The following CHRNA1 variants were observed in gnomAD, a reference collection of about 807,000 sequenced individuals.
CHRNA1 encodes acetylcholine receptor subunit alpha.
A neutral mutation model predicts 47.1 loss-of-function variants in CHRNA1; 35 were observed. The observed-to-expected ratio is 0.74, with a 90% CI of 0.57 to 0.99. The LOEUF (loss-of-function observed/expected upper bound fraction) is 0.99, where lower values mean the gene tolerates loss of function less well. CHRNA1 is among the 50% of genes least tolerant of loss of function. The probability of loss-of-function intolerance (pLI) is 0.00; values close to 1 mark genes in which losing one functional copy is unlikely to be tolerated. For synonymous variants in CHRNA1, 229 were observed against 223.6 expected (o/e 1.02, Z -0.22); for missense variants, 506 against 591.1 (o/e 0.86, Z 1.49).
intron 6 of CHRNA1, among the ~76,000 whole-genome samples, chr2:174,750,456 C>T (rs1455791339): frequency 2.0e-5 from 3 of 152,034 alleles, no homozygotes; most frequent in East Asian, 1.9e-4. Flanking sequence ...CATTACAAAC[C>T]GAGAGAGGCC....
chr2:174,751,944 T>G (rs1270189209), intron 6 of CHRNA1, among the ~76,000 whole-genome samples: 3 of 152,118 alleles, frequency 2.0e-5, no homozygotes, highest in Non-Finnish European at 4.4e-5. Flanking sequence ...CCTCCGAAAG[T>G]GCTGGGATTA....
chr2:174,747,985 T>A lies in CHRNA1; in HGVS notation c.*139A>T. The A allele has an allele frequency of 8.9e-7, 1 of 1,126,762 alleles. No individual in the cohort carries two copies. The highest frequency in any genetic ancestry group is 1.3e-6 in the Non-Finnish European group (1 of 774,360). The allele number at this position is 1,126,762 out of a possible 1,614,324, so 69.8% of individuals were successfully genotyped here. A position where few individuals can be genotyped will look rare whatever the true frequency, so the allele number is the denominator to read the frequency against. ...TCAAGGCCATAAACTTACATAAAGG[T>A]AAATCTTATCATCAATAATAAGTAT... On this transcript the variant is annotated 3_prime_UTR_variant, in exon 9 of 9. Transcript: ENST00000348749.
In CHRNA1 at chr2:174,750,110, T is replaced by C. The variant is rs1184577812; in HGVS notation, c.838A>G (p.Ile280Val). ...LLSLTVFLLV[I>V]VELIPSTSSA... ...GACGTGGAGGGGATCAGCTCCACGA[T>C]GACCAGAAGGAACACAGTCAAAGAC... Residue 280 changes from isoleucine to valine, a missense_variant, in exon 7 of 9, where the codon ATC (isoleucine) becomes GTC (valine). Coordinates refer to ENST00000348749, the MANE Select transcript of CHRNA1 (RefSeq NM_000079.4). The C allele has an allele frequency of 2.5e-6, 4 of 1,613,104 alleles. No homozygotes were observed. Among genetic ancestry groups the C allele is most frequent in the Non-Finnish European group, 3.4e-6 (4 of 1,179,940 alleles).
chr2:174,763,892 T>C (rs1435493696), intron 1 of CHRNA1, among the ~76,000 whole-genome samples: 1 of 152,188 alleles, frequency 6.6e-6, no homozygotes, highest in Non-Finnish European at 1.5e-5. Context: ...CATGTAGCTG[T>C]CAATCAGTCC....
At chr2:174,755,421 TTTTC>T (rs909772368) in intron 4 of CHRNA1, among the ~76,000 whole-genome samples, 3 of 151,464 alleles carry the variant, frequency 2.0e-5, no homozygotes, top group African/African-American at 7.3e-5. Flanking sequence ...CTTAGATTTT[TTTTC>T]TTTTTTTTTT....
chr2:174,757,344 T>C (rs186465668), intron 4 of CHRNA1, among the ~76,000 whole-genome samples: 52 of 152,126 alleles, frequency 3.4e-4, no homozygotes, highest in African/African-American at 1.2e-3. Flanking sequence ...TTTGTAGAGA[T>C]GTTGTCTTGC....
rs768407867 is a variant in CHRNA1, at chr2:174,748,177, C to T, written c.1321G>A (p.Gly441Arg). ...LGVFMLVCII[G>R]TLAVFAGRLI... ...CGACCTGCAAACACGGCTAGGGTTC[C>T]GATGATGCAAACAAGCATGAAGACT... The change falls in exon 9 of 9, where the codon GGA (glycine) becomes AGA (arginine). Residue 441 changes from glycine to arginine, a missense_variant. Physicochemically the swap from Gly to Arg is moderately radical, Grantham distance 125. Coordinates refer to ENST00000348749, the MANE Select transcript of CHRNA1 (RefSeq NM_000079.4). 32 of 1,613,956 alleles carry T rather than the reference C, an allele frequency of 2.0e-5. No homozygotes were observed. The highest frequency in any genetic ancestry group is 1.5e-4 in the Admixed American group (9 of 60,000).
intron 4 of CHRNA1, among the ~76,000 whole-genome samples, chr2:174,755,842 C>T (rs1437673180): frequency 6.6e-6 from 1 of 152,060 alleles, no homozygotes; most frequent in Non-Finnish European, 1.5e-5. Flanking sequence ...TTGAGACCAG[C>T]CTGGCCAACA....
chr2:174,754,494 C>G, intron 4 of CHRNA1, 80 bp from the exon 5 acceptor site: 1 of 1,253,124 alleles, frequency 8.0e-7, no homozygotes, highest in Non-Finnish European at 1.2e-6. Flanking sequence ...TAACAGGAGA[C>G]AGCTGTTAAT....
At chr2:174,759,871 T>G (rs1041647830) in intron 1 of CHRNA1, among the ~76,000 whole-genome samples, 2 of 151,628 alleles carry the variant, frequency 1.3e-5, no homozygotes, top group Middle Eastern at 3.4e-3. Flanking sequence ...ATCACAACGC[T>G]TGTACTTTGG....
chr2:174,754,100 A>C, intron 5 of CHRNA1, 119 bp downstream of exon 5: 6 of 963,304 alleles, frequency 6.2e-6, no homozygotes, highest in Non-Finnish European at 9.9e-6. Context: ...TGAACCATCA[A>C]ACTAGATGAT....
chr2:174,757,758 G>T, intron 3 of CHRNA1, 83 bp from the exon 4 acceptor site: 2 of 1,243,544 alleles, frequency 1.6e-6, no homozygotes, highest in Non-Finnish European at 2.4e-6. Flanking sequence ...GATGTGCATG[G>T]GAATTCAGTA....
chr2:174,762,235 T>C (rs560050156), intron 1 of CHRNA1, among the ~76,000 whole-genome samples: 26 of 152,338 alleles, frequency 1.7e-4, no homozygotes, highest in Non-Finnish European at 3.2e-4. Flanking sequence ...GGTAGAGTGA[T>C]AGAAAACTCA....
chr2:174,750,962 C>T (rs1446046486), intron 6 of CHRNA1, among the ~76,000 whole-genome samples: 1 of 152,122 alleles, frequency 6.6e-6, no homozygotes, highest in African/African-American at 2.4e-5. Context: ...CCCAGAAGTA[C>T]ACATATCTTT....
At chr2:174,758,121 A>G in intron 3 of CHRNA1, 1 of 1,575,778 alleles carries the variant, frequency 6.3e-7, no homozygotes, top group Non-Finnish European at 8.7e-7. Context: ...ACATTATAAA[A>G]GTAAAGTCTG....
In CHRNA1 at chr2:174,753,754, TG is replaced by T. The variant is rs748211851; in HGVS notation, c.541-15del. ...CTGGTCGCTTTCCTGAGAAAGGAAG[TG>T]AGGTTTGGAAATCCCAGGCAGGTCA... On this transcript the variant is annotated splice_polypyrimidine_tract_variant and intron_variant, in intron 5 of 8. Coordinates refer to ENST00000348749, the MANE Select transcript of CHRNA1 (RefSeq NM_000079.4). 178 of 1,613,078 alleles carry T rather than the reference TG, an allele frequency of 1.1e-4. No individual in the cohort carries two copies. The highest frequency in any genetic ancestry group is 1.4e-4 in the Non-Finnish European group (171 of 1,179,498).
rs185697943 is a variant in CHRNA1 at position 174,748,896 on chromosome 2, A to G, written c.1003-77T>C. On this transcript the variant is annotated intron_variant, in intron 7 of 8. Transcript: ENST00000348749. ...ATAAAACTCTGTCTTTGAATTATCA[A>G]TGTGATTTGGGGTAAGTCATTCAGT... 5.8e-5 allele frequency: 92 copies of G among 1,580,252 alleles called. No homozygotes were observed. The South Asian group carries it at 8.4e-4, about 14-fold the overall frequency.
chr2:174,759,667 T>C, intron 1 of CHRNA1, 34 bp from the exon 2 acceptor site: 1 of 1,609,818 alleles, frequency 6.2e-7, no homozygotes, highest in Non-Finnish European at 8.5e-7. Flanking sequence ...ACTGTCAGAT[T>C]CTTCTCCCCA....
intron 3 of CHRNA1, 31 bp downstream of exon 3, chr2:174,759,300 C>T (rs190545635): frequency 4.8e-5 from 77 of 1,611,360 alleles, no homozygotes; most frequent in African/African-American, 2.3e-4. Context: ...TGAATGAAAA[C>T]GACACACATG....
Sources: gnomAD v4.1 joint callset for allele counts (sites outside exome capture counted in the v4.1 genomes callset) on GRCh38, gnomAD v4.1.1 for gene constraint, MANE v1.5 for transcripts, NCBI Gene and HGNC (gene_info 2026-07-23, HGNC 2026-07-21) for gene names.